The following EIF5 variants were observed in gnomAD, a reference collection of about 807,000 sequenced individuals.
EIF5 encodes the protein eukaryotic translation initiation factor 5.
EIF5 carries 10 observed loss-of-function variants against 48.3 expected under a neutral mutation model. The ratio of observed to expected loss-of-function variants is 0.21; its 90% confidence interval spans 0.13 to 0.35. The LOEUF (loss-of-function observed/expected upper bound fraction) is 0.35. EIF5 is among the 10% of genes least tolerant of loss of function. The pLI is 1.00. For missense variants in EIF5, 397 were observed against 533.2 expected, an observed-to-expected ratio of 0.74 and a Z score of 2.51; for synonymous variants, 237 against 173.1, an observed-to-expected ratio of 1.37 and a Z score of -2.90.
At chr14:103,338,066 C>T in intron 6 of EIF5, 1 of 590,932 alleles carries the variant, frequency 1.7e-6, no homozygotes, top group Admixed American at 2.4e-5. Context: ...CTAGTGGAGG[C>T]ATCATCACTT....
chr14:103,337,387 T>C (rs2089299757), intron 6 of EIF5, 160 bp downstream of exon 6: 1 of 606,742 alleles, frequency 1.6e-6, no homozygotes, highest in Non-Finnish European at 2.8e-6. Flanking sequence ...GGCACATCAC[T>C]TGAGGCCAGG....
At position 103,342,231 on chromosome 14, in the gene EIF5, A is replaced by G. The variant is rs2089362239; in HGVS notation, c.*1179A>G. 6.6e-6 allele frequency: 1 copy of G among 152,380 alleles called. No homozygotes were observed. Among genetic ancestry groups the G allele is most frequent in the Non-Finnish European group, 1.5e-5 (1 of 68,028 alleles). The allele number at this position is 152,380 out of a possible 1,614,324, so 9.4% of individuals were successfully genotyped here. On this transcript the variant is annotated 3_prime_UTR_variant, in exon 12 of 12. Transcript: ENST00000216554. Reference sequence around the variant, plus strand: ...CCTCTATTTTGGTGTAAGACTTGGGATATTTTTTACTTCACATTGAATATA... The same window carrying G: ...CCTCTATTTTGGTGTAAGACTTGGGGTATTTTTTACTTCACATTGAATATA...
rs757721525 is a variant in EIF5 at position 103,339,722 on chromosome 14, C to T, written c.990C>T (p.Ile330=). 5 of 1,614,100 alleles carry T rather than the reference C, an allele frequency of 3.1e-6. No individual in the cohort carries two copies. In the South Asian group the frequency reaches 3.3e-5, roughly 11 times the overall value. ...CVVAMHQAQL[I]SKIPHILKEM... is the part of the protein sequence containing the mutation. The stretch of plus-strand genomic sequence containing the variant: ...TAGCAATGCATCAAGCTCAGCTTAT[C>T]TCCAAGATTCCACATATCTTGAAGG... Residue 330 remains isoleucine (I), a synonymous_variant, in exon 10 of 12, where the codon ATC becomes ATT. Transcript: ENST00000216554.
At position 103,339,721 on chromosome 14, in the gene EIF5, T is replaced by A; in HGVS notation, c.989T>A (p.Ile330Asn). The A allele has an allele frequency of 3.1e-6, 5 of 1,614,216 alleles. No homozygotes were observed. The highest frequency in any genetic ancestry group is 4.2e-6 in the Non-Finnish European group (5 of 1,180,034). Residue 330 changes from isoleucine (I) to asparagine (N), a missense_variant, in exon 10 of 12, where the codon ATC (isoleucine) becomes AAC (asparagine). Ile to Asn is a moderately radical substitution (Grantham distance 149). Transcript: ENST00000216554. ...GTAGCAATGCATCAAGCTCAGCTTA[T>A]CTCCAAGATTCCACATATCTTGAAG... Reference protein sequence around the residue: ...CVVAMHQAQLISKIPHILKEM... With the variant: ...CVVAMHQAQLNSKIPHILKEM...
Position 103,341,001 on chromosome 14 carries a change from G to C in EIF5, c.1245G>C (p.Glu415Asp), listed in dbSNP as rs1382033941. 4 of 1,614,156 alleles carry C rather than the reference G, an allele frequency of 2.5e-6. No individual in the cohort carries two copies. Among genetic ancestry groups the C allele is most frequent in the Admixed American group, 3.3e-5 (2 of 60,032 alleles). The change falls in exon 12 of 12, where the codon GAG becomes GAC. Residue 415 changes from glutamate (E) to aspartate (D), a missense_variant. Glu to Asp is a conservative substitution (Grantham distance 45, BLOSUM62 2). This residue lies in a region of EIF5 where 160 missense variants were observed against 184.8 expected (regional missense o/e 0.87). Coordinates refer to ENST00000216554, the MANE Select transcript of EIF5 (RefSeq NM_001969.5). The part of the protein sequence containing the change: ...YSKAASVPKV[E>D]TVKSDNKDDD... The stretch of plus-strand genomic sequence containing the variant: ...AGGCTGCCAGTGTACCGAAAGTTGA[G>C]ACTGTAAAGTCAGACAACAAGGATG...
chr14:103,341,102 C>T lies in EIF5; in HGVS notation c.*50C>T, dbSNP rs1207101546. On this transcript the variant is annotated 3_prime_UTR_variant, in exon 12 of 12. Coordinates refer to ENST00000216554, the MANE Select transcript of EIF5 (RefSeq NM_001969.5). ...CAGTATAATGCTGCAAATTTTCCTC[C>T]ATTATCAGCCAGAAGTGCAACATGT... 1 of 1,559,618 alleles carries T rather than the reference C, an allele frequency of 6.4e-7. No individual in the cohort carries two copies. Among genetic ancestry groups the T allele is most frequent in the Non-Finnish European group, 8.8e-7 (1 of 1,131,746 alleles).
intron 8 of EIF5, 66 bp downstream of exon 8, chr14:103,338,959 A>G: frequency 6.4e-7 from 1 of 1,564,340 alleles, no homozygotes. Context: ...TAGATATATG[A>G]TACTTTAGCA....
At chr14:103,335,574 G>A in intron 2 of EIF5, 79 bp from the exon 3 acceptor site, 2 of 488,922 alleles carry the variant, frequency 4.1e-6, no homozygotes, top group South Asian at 5.1e-5. Context: ...TAACTAGGAT[G>A]TAAAAAGGAG....
At chr14:103,337,728 A>G (rs1453160831) in intron 6 of EIF5, 5 of 420,950 alleles carry the variant, frequency 1.2e-5, no homozygotes, top group Non-Finnish European at 2.3e-5. Context: ...TGCCATATCA[A>G]TTAAGACATT....
In EIF5 at chr14:103,339,807, G is replaced by A. The variant is rs1000094663; in HGVS notation, c.1071+4G>A. On this transcript the variant is annotated splice_donor_region_variant and intron_variant, in intron 10 of 11. Coordinates refer to ENST00000216554, the MANE Select transcript of EIF5 (RefSeq NM_001969.5). ...CATCATCAGCTGGTCGGAAAAGGTG[G>A]GGAATACATAGGTGGGCTCTTAAAG... 2.5e-6 allele frequency: 4 copies of A among 1,613,692 alleles called. No homozygotes were observed. Among genetic ancestry groups the A allele is most frequent in the Middle Eastern group, 1.7e-4 (1 of 6,058 alleles).
chr14:103,337,150 C>T lies in EIF5; in HGVS notation c.362C>T (p.Ser121Phe), dbSNP rs1287249298. 1 of 1,612,392 alleles carries T rather than the reference C, an allele frequency of 6.2e-7. No homozygotes were observed. Among genetic ancestry groups the T allele is most frequent in the East Asian group, 2.2e-5 (1 of 44,872 alleles). ...CCAAAGAAGCAAACAATAGGTAATT[C>T]TTGTAAAGCCTGTGGCTATCGAGGC... ...VNPKKQTIGN[S>F]CKACGYRGML... The change falls in exon 6 of 12, where the codon TCT (serine) becomes TTT (phenylalanine). Residue 121 changes from serine to phenylalanine, a missense_variant. This residue lies in a region of EIF5 where 108 missense variants were observed against 188.3 expected (regional missense o/e 0.57). Transcript: ENST00000216554.
chr14:103,335,749 C>A lies in EIF5; in HGVS notation c.-112C>A. On this transcript the variant is annotated 5_prime_UTR_variant, in exon 3 of 12. Transcript: ENST00000216554. ...GGCGAAAATTTTTTCATGTCAGAGA[C>A]CGAGAACTCTTGCAGTCGTTTATGT... The A allele has an allele frequency of 7.7e-7, 1 of 1,293,542 alleles. No individual in the cohort carries two copies. The highest frequency in any genetic ancestry group is 1.1e-6 in the Non-Finnish European group (1 of 906,760). 80.1% of individuals were successfully genotyped at this position (1,293,542 alleles called of 1,614,324 possible).
intron 6 of EIF5, chr14:103,337,541 G>A (rs1344418793): frequency 5.3e-6 from 2 of 379,402 alleles, no homozygotes; most frequent in Non-Finnish European, 9.6e-6. Flanking sequence ...GGCAGAGGTT[G>A]CACTGAGCTG....
intron 6 of EIF5, 163 bp downstream of exon 6, chr14:103,337,390 A>AG: frequency 1.7e-6 from 1 of 597,682 alleles, no homozygotes; most frequent in Non-Finnish European, 2.9e-6. Flanking sequence ...ACATCACTTG[A>AG]GGCCAGGAGT....
chr14:103,334,664 C>G (rs1229432227), intron 2 of EIF5, 67 bp downstream of exon 2: 1 of 148,366 alleles, frequency 6.7e-6, no homozygotes, highest in Non-Finnish European at 1.5e-5. Flanking sequence ...GCCGCGTGAC[C>G]CCGCCGCGGC....
chr14:103,335,941 C>G lies in EIF5; in HGVS notation c.72+9C>G. ...CCCGTCTGATTGCCAAGGTAATAAA[C>G]TGCTCTTCAATTTAGTTGATAGCTC... On this transcript the variant is annotated intron_variant, in intron 3 of 11. Transcript: ENST00000216554. The G allele has an allele frequency of 6.2e-7, 1 of 1,614,192 alleles. No homozygotes were observed. The highest frequency in any genetic ancestry group is 1.1e-5 in the South Asian group (1 of 91,082).
At chr14:103,340,288 G>C in intron 10 of EIF5, 139 bp from the exon 11 acceptor site, 4 of 869,182 alleles carry the variant, frequency 4.6e-6, no homozygotes, top group Non-Finnish European at 7.2e-6. Context: ...AGACTAACGT[G>C]TTCACTGAGT....
chr14:103,338,613 T>G, intron 7 of EIF5, 122 bp from the exon 8 acceptor site: 2 of 1,508,190 alleles, frequency 1.3e-6, no homozygotes, highest in Non-Finnish European at 1.8e-6. Flanking sequence ...GTTTGTTGTT[T>G]GAATTAAGGT....
At position 103,341,078 on chromosome 14, in the gene EIF5, A is replaced by G. The variant is rs369235404; in HGVS notation, c.*26A>G. 9.6e-5 allele frequency: 154 copies of G among 1,607,268 alleles called. No individual in the cohort carries two copies. The highest frequency in any genetic ancestry group is 1.2e-4 in the Non-Finnish European group (137 of 1,174,554). Reference sequence around the variant, plus strand: ...AGGGATGGATGCAACCTAGCTTAACAGTATAATGCTGCAAATTTTCCTCCA... The same window carrying G: ...AGGGATGGATGCAACCTAGCTTAACGGTATAATGCTGCAAATTTTCCTCCA... On this transcript the variant is annotated 3_prime_UTR_variant, in exon 12 of 12. Coordinates refer to ENST00000216554, the MANE Select transcript of EIF5 (RefSeq NM_001969.5).
Sources: allele counts gnomAD v4.1 joint callset, GRCh38; gene constraint gnomAD v4.1.1; regional missense constraint gnomAD v4.1.1; transcripts MANE v1.5; gene names NCBI Gene and HGNC (gene_info 2026-07-23, HGNC 2026-07-21).